CACNA2D3: variants seen among roughly 807,000 people sequenced by gnomAD.
CACNA2D3 encodes the protein voltage-dependent calcium channel subunit alpha-2/delta-3.
In CACNA2D3, 60 loss-of-function variants were observed where a neutral mutation model predicts 160.6. The ratio of observed to expected loss-of-function variants is 0.37; its 90% confidence interval spans 0.30 to 0.46. The LOEUF (loss-of-function observed/expected upper bound fraction) is 0.46. CACNA2D3 is among the 20% of genes least tolerant of loss of function. CACNA2D3 has a pLI of 1.00. For missense variants in CACNA2D3, 1,205 were observed against 1,365.0 expected (o/e 0.88, Z 1.85); for synonymous variants, 558 against 492.9 (o/e 1.13, Z -1.75).
intron 5 of CACNA2D3, among the ~76,000 whole-genome samples, chr3:54,528,310 G>T (rs1456248329): frequency 6.6e-6 from 1 of 151,664 alleles, no homozygotes; most frequent in African/African-American, 2.4e-5. Flanking sequence ...ACCCCAGAAG[G>T]TTGTTGTGAG....
intron 29 of CACNA2D3, among the ~76,000 whole-genome samples, chr3:54,972,459 T>C (rs191887684): frequency 8.4e-4 from 128 of 152,300 alleles, no homozygotes; most frequent in Non-Finnish European, 1.4e-3. Flanking sequence ...TTGTAACTTT[T>C]AATTAGGCAT....
rs530030156 is a variant in CACNA2D3, at chr3:54,209,088, A to G, written c.204+85494A>G. On this transcript the variant is annotated intron_variant, in intron 2 of 37. Transcript: ENST00000474759. ...ATTTGTCTCCCACGGGGTCCCTCCC[A>G]CAACATGGGGGAATTATGGGAGCTA... 2.0e-5 allele frequency among the ~76,000 whole-genome samples: 3 copies of G among 152,330 alleles called. No homozygotes were observed. In the East Asian group the frequency reaches 5.8e-4, roughly 29 times the overall value.
chr3:55,065,065 C>G (rs1157197090), intron 35 of CACNA2D3, among the ~76,000 whole-genome samples: 2 of 152,258 alleles, frequency 1.3e-5, no homozygotes, highest in East Asian at 1.9e-4. Context: ...TTAGCCTGCT[C>G]TGAGTGTTTT....
At chr3:54,698,837 T>C (rs1215843975) in intron 11 of CACNA2D3, among the ~76,000 whole-genome samples, 3 of 152,150 alleles carry the variant, frequency 2.0e-5, no homozygotes, top group Non-Finnish European at 4.4e-5. Flanking sequence ...TATGTATTTA[T>C]CTCCCACCCT....
At chr3:54,393,819 T>C (rs1366024835) in intron 4 of CACNA2D3, among the ~76,000 whole-genome samples, 1 of 152,238 alleles carries the variant, frequency 6.6e-6, no homozygotes, top group Non-Finnish European at 1.5e-5. Context: ...CCCTACTGGC[T>C]GAAGAACTGT....
At chr3:54,756,956 C>G (rs1262815649) in intron 12 of CACNA2D3, among the ~76,000 whole-genome samples, 2 of 152,078 alleles carry the variant, frequency 1.3e-5, no homozygotes, top group African/African-American at 4.8e-5. Flanking sequence ...CCTAATGAGA[C>G]AAAGCAGCAA....
At chr3:54,301,126 G>A (rs955212865) in intron 2 of CACNA2D3, among the ~76,000 whole-genome samples, 5 of 151,994 alleles carry the variant, frequency 3.3e-5, no homozygotes, top group Middle Eastern at 6.3e-3. Flanking sequence ...GCTTGGTGGT[G>A]CAGATGTGTA....
At chr3:55,035,783 T>C (rs1280132985) in intron 35 of CACNA2D3, among the ~76,000 whole-genome samples, 3 of 152,194 alleles carry the variant, frequency 2.0e-5, no homozygotes, top group Admixed American at 6.5e-5. Context: ...GTAGAAAATA[T>C]ATACCCTTGA....
At chr3:54,400,189 G>A (rs1020932412) in intron 4 of CACNA2D3, among the ~76,000 whole-genome samples, 10 of 146,422 alleles carry the variant, frequency 6.8e-5, no homozygotes, top group East Asian at 2.1e-4. Flanking sequence ...ACTGGCCTGC[G>A]CCCACTGTCT....
chr3:54,948,264 G>A (rs1455678409), intron 27 of CACNA2D3, among the ~76,000 whole-genome samples: 1 of 152,170 alleles, frequency 6.6e-6, no homozygotes, highest in South Asian at 2.1e-4. Context: ...CATTCCAGGT[G>A]ACCTCTTGAG....
Position 54,899,044 on chromosome 3 carries a change from T to A in CACNA2D3, c.2369-744T>A, listed in dbSNP as rs570477294. On this transcript the variant is annotated intron_variant, in intron 26 of 37. Coordinates refer to ENST00000474759, the MANE Select transcript of CACNA2D3 (RefSeq NM_018398.3). The stretch of plus-strand genomic sequence containing the variant: ...AAGTGTATTCATATTCAGGTTTGAC[T>A]TTTCCCTGCTTCTCAATTCAATTGG... Among the ~76,000 whole-genome samples, 146 of 152,356 alleles carry A rather than the reference T, an allele frequency of 9.6e-4. 1 individual carries two copies. The highest frequency in any genetic ancestry group is 3.4e-3 in the African/African-American group (143 of 41,592).
chr3:54,994,336 G>A (rs962920573), intron 31 of CACNA2D3, among the ~76,000 whole-genome samples: 5 of 152,162 alleles, frequency 3.3e-5, no homozygotes, highest in African/African-American at 4.8e-5. Flanking sequence ...CGACTGCCCC[G>A]CTGATGTCTA....
chr3:54,297,416 C>A (rs1187505911), intron 2 of CACNA2D3, among the ~76,000 whole-genome samples: 1 of 151,640 alleles, frequency 6.6e-6, no homozygotes, highest in Non-Finnish European at 1.5e-5. Context: ...AGGACAGATG[C>A]AGGATTGTTA....
At chr3:54,801,261 T>G (rs1702980276) in intron 13 of CACNA2D3, among the ~76,000 whole-genome samples, 1 of 152,152 alleles carries the variant, frequency 6.6e-6, no homozygotes, top group East Asian at 1.9e-4. Context: ...GTGCTGGGAT[T>G]ACAGGGGTGA....
intron 9 of CACNA2D3, among the ~76,000 whole-genome samples, chr3:54,615,401 A>T (rs1423180612): frequency 1.3e-5 from 2 of 152,238 alleles, no homozygotes; most frequent in Non-Finnish European, 2.9e-5. Flanking sequence ...ACAGAAGAAC[A>T]TGTTAAATGA....
chr3:54,812,868 A>G (rs571581028), intron 13 of CACNA2D3, among the ~76,000 whole-genome samples: 2 of 152,362 alleles, frequency 1.3e-5, no homozygotes, highest in Admixed American at 6.5e-5. Context: ...CTGAGAAGAT[A>G]CTAATATCTA....
intron 18 of CACNA2D3, among the ~76,000 whole-genome samples, chr3:54,871,862 TC>T (rs1325041022): frequency 6.6e-6 from 1 of 152,070 alleles, no homozygotes; most frequent in Non-Finnish European, 1.5e-5. Flanking sequence ...ACTAAAACCA[TC>T]CCCCTGCGGA....
chr3:54,143,900 A>G (rs1699979793), intron 2 of CACNA2D3, among the ~76,000 whole-genome samples: 1 of 152,214 alleles, frequency 6.6e-6, no homozygotes, highest in African/African-American at 2.4e-5. Context: ...ATGAGATCAT[A>G]TTGTATCAGC....
At chr3:54,139,540 G>A (rs1431686498) in intron 2 of CACNA2D3, among the ~76,000 whole-genome samples, 1 of 152,214 alleles carries the variant, frequency 6.6e-6, no homozygotes, top group African/African-American at 2.4e-5. Flanking sequence ...CATTCTTAGA[G>A]TTGTGTATGG....
Sources: allele counts gnomAD v4.1 joint callset (sites outside exome capture counted in the v4.1 genomes callset), GRCh38; gene constraint gnomAD v4.1.1; transcripts MANE v1.5; gene names NCBI Gene and HGNC (gene_info 2026-07-23, HGNC 2026-07-21).